Variants in PCDH15 observed in about 807,000 individuals in gnomAD.
PCDH15 encodes protocadherin related 15.
Under a neutral mutation model 178.5 loss-of-function variants are expected in PCDH15, and 129 were observed. The ratio of observed to expected loss-of-function variants is 0.72; its 90% CI spans 0.63 to 0.84. The LOEUF (loss-of-function observed/expected upper bound fraction) is 0.84. PCDH15 is among the 40% of genes least tolerant of loss of function. The pLI, the probability that PCDH15 is intolerant of heterozygous loss-of-function variation, is 0.00. For missense variants in PCDH15, 2,230 were observed against 2,099.9 expected (o/e 1.06, Z -1.21); for synonymous variants, 800 against 732.0 (o/e 1.09, Z -1.50).
intron 1 of PCDH15, among the ~76,000 whole-genome samples, chr10:55,215,081 G>A (rs1300199839): frequency 2.0e-5 from 3 of 152,030 alleles, no homozygotes; most frequent in African/African-American, 7.3e-5. Flanking sequence ...AGAGTTTGAA[G>A]TTGAAAAATA....
intron 3 of PCDH15, among the ~76,000 whole-genome samples, chr10:54,520,417 A>G (rs998994972): frequency 6.6e-6 from 1 of 152,214 alleles, no homozygotes; most frequent in African/African-American, 2.4e-5. Flanking sequence ...ATAAACAGAC[A>G]CTTCTCAAAA....
At chr10:53,876,454 G>A (rs568916014) in intron 26 of PCDH15, among the ~76,000 whole-genome samples, 1,959 of 152,136 alleles carry the variant, frequency 0.013, 17 homozygotes, top group Non-Finnish European at 0.021. Context: ...CCAAAGTGCT[G>A]GGATTACAGG....
At chr10:55,134,366 T>G (rs988425531) in intron 2 of PCDH15, among the ~76,000 whole-genome samples, 4 of 152,176 alleles carry the variant, frequency 2.6e-5, no homozygotes, top group Non-Finnish European at 4.4e-5. Flanking sequence ...TGACCTTCAC[T>G]CCTCTTCTAC....
chr10:55,179,900 C>T (rs781555930), intron 1 of PCDH15, among the ~76,000 whole-genome samples: 6 of 152,014 alleles, frequency 3.9e-5, no homozygotes, highest in Non-Finnish European at 8.8e-5. Flanking sequence ...AAACCTGCAA[C>T]AGTAGCAGTA....
intron 2 of PCDH15, among the ~76,000 whole-genome samples, chr10:54,577,797 A>G (rs986543312): frequency 3.0e-4 from 46 of 151,962 alleles, no homozygotes; most frequent in African/African-American, 1.0e-3. Context: ...CAGTAGGTGA[A>G]GGAGTTCTCT....
chr10:55,462,251 C>A (rs1015362265), intron 2 of PCDH15, among the ~76,000 whole-genome samples: 1 of 151,996 alleles, frequency 6.6e-6, no homozygotes, highest in Non-Finnish European at 1.5e-5. Flanking sequence ...TTTATATGAC[C>A]AAACTTGGGT....
intron 15 of PCDH15, among the ~76,000 whole-genome samples, chr10:54,103,314 C>T (rs1310547537): frequency 6.6e-6 from 1 of 152,212 alleles, no homozygotes. Context: ...AGTCAGACTA[C>T]TCTGATGCTG....
At chr10:54,340,000 T>A (rs1468330098) in intron 6 of PCDH15, among the ~76,000 whole-genome samples, 1 of 152,212 alleles carries the variant, frequency 6.6e-6, no homozygotes, top group Non-Finnish European at 1.5e-5. Flanking sequence ...CTGCAAGACC[T>A]CATTGCAATG....
intron 1 of PCDH15, among the ~76,000 whole-genome samples, chr10:54,683,760 A>G (rs1486033295): frequency 6.6e-6 from 1 of 152,112 alleles, no homozygotes; most frequent in Non-Finnish European, 1.5e-5. Flanking sequence ...GCTTGCAGTG[A>G]TTAAAGCTTG....
chr10:54,863,147 G>A (rs1953874739), intron 3 of PCDH15, among the ~76,000 whole-genome samples: 1 of 152,090 alleles, frequency 6.6e-6, no homozygotes, highest in Non-Finnish European at 1.5e-5. Context: ...AAGTTATAAT[G>A]ATGTTCTATG....
At chr10:55,222,736 T>TAC (rs1156452845) in intron 1 of PCDH15, among the ~76,000 whole-genome samples, 2 of 42,580 alleles carry the variant, frequency 4.7e-5, no homozygotes, top group African/African-American at 1.0e-4. Context: ...CACACATATA[T>TAC]ATATATATAT....
At chr10:54,789,088 C>T (rs530118644) in intron 1 of PCDH15, among the ~76,000 whole-genome samples, 5 of 151,692 alleles carry the variant, frequency 3.3e-5, no homozygotes, top group East Asian at 2.0e-4. Flanking sequence ...AGCATAAGTA[C>T]GTCTAATATA....
At chr10:54,429,318 T>C (rs796767279) in intron 3 of PCDH15, among the ~76,000 whole-genome samples, 4 of 152,032 alleles carry the variant, frequency 2.6e-5, no homozygotes, top group African/African-American at 9.6e-5. Context: ...TAACCTCAAA[T>C]TGAAAAAATT....
intron 1 of PCDH15, among the ~76,000 whole-genome samples, chr10:54,705,523 C>T (rs1452123362): frequency 3.3e-5 from 5 of 152,058 alleles, no homozygotes; most frequent in East Asian, 1.9e-4. Context: ...ATATTTTAAG[C>T]GTAATATTTC....
intron 21 of PCDH15, among the ~76,000 whole-genome samples, chr10:53,974,504 CCTG>C (rs1319387526): frequency 6.6e-6 from 1 of 151,890 alleles, no homozygotes; most frequent in Non-Finnish European, 1.5e-5. Context: ...AAACTACTAA[CCTG>C]TCATCATGCT....
chr10:54,081,505 G>A (rs958008835), intron 16 of PCDH15, among the ~76,000 whole-genome samples: 12 of 152,070 alleles, frequency 7.9e-5, no homozygotes, highest in East Asian at 1.9e-4. Context: ...CGGGCCTTGC[G>A]ACTCAGTGTT....
At chr10:54,231,569 C>A (rs1591317059) in intron 9 of PCDH15, among the ~76,000 whole-genome samples, 2 of 152,176 alleles carry the variant, frequency 1.3e-5, no homozygotes, top group Non-Finnish European at 2.9e-5. Context: ...ATTCTCCAGA[C>A]CCCAGAATGG....
chr10:54,844,439 G>T (rs1200299466), intron 3 of PCDH15, among the ~76,000 whole-genome samples: 1 of 151,834 alleles, frequency 6.6e-6, no homozygotes, highest in Non-Finnish European at 1.5e-5. Context: ...CCTTCATAGT[G>T]CTGACACATA....
chr10:54,587,391 C>T (rs776861635), intron 2 of PCDH15, among the ~76,000 whole-genome samples: 4 of 152,272 alleles, frequency 2.6e-5, no homozygotes, highest in Admixed American at 6.5e-5. Context: ...ATTGACACTG[C>T]TGCCATCTGA....
Sources: allele counts gnomAD v4.1 joint callset (sites outside exome capture counted in the v4.1 genomes callset), GRCh38; gene constraint gnomAD v4.1.1; transcripts MANE v1.5; gene names NCBI Gene and HGNC (gene_info 2026-07-23, HGNC 2026-07-21).